The following ZFHX4 variants were observed in gnomAD, a reference collection of about 807,000 sequenced individuals.
ZFHX4 encodes the protein zinc finger homeobox protein 4.
In ZFHX4, 56 loss-of-function variants were observed where a neutral mutation model predicts 267.6. The observed-to-expected ratio is 0.21, with a 90% CI of 0.17 to 0.26. ZFHX4 has a LOEUF of 0.26. ZFHX4 is among the 10% of genes least tolerant of loss of function. The pLI is 1.00. For missense variants in ZFHX4, 4,332 were observed against 4,420.0 expected, an observed-to-expected ratio of 0.98 and a Z score of 0.56; for synonymous variants, 1,778 against 1,665.6, an observed-to-expected ratio of 1.07 and a Z score of -1.64.
chr8:76,706,607 C>T lies in ZFHX4; in HGVS notation c.2519C>T (p.Ala840Val). 2 of 1,608,084 alleles carry T rather than the reference C, an allele frequency of 1.2e-6. No homozygotes were observed. The highest frequency in any genetic ancestry group is 1.7e-6 in the Non-Finnish European group (2 of 1,177,412). Residue 840 changes from alanine to valine, a missense_variant, in exon 2 of 11, where the codon GCC (alanine) becomes GTC (valine). Ala to Val is a moderately conservative substitution (Grantham distance 64). This residue lies in a region of ZFHX4 where 1,195 missense variants were observed against 1,173.6 expected (regional missense o/e 1.02). Coordinates refer to ENST00000651372, the MANE Select transcript of ZFHX4 (RefSeq NM_024721.5). ...GLTGMKLENP[A>V]DPQLMINPFQ... ...ACCGGAATGAAGCTGGAAAACCCTG[C>T]CGACCCTCAGCTGATGATCAATCCA...
intron 4 of ZFHX4, among the ~76,000 whole-genome samples, chr8:76,806,900 T>C (rs1426175530): frequency 6.6e-6 from 1 of 152,056 alleles, no homozygotes; most frequent in Non-Finnish European, 1.5e-5. Flanking sequence ...AGATTTGGGA[T>C]TCACCTTGGG....
intron 3 of ZFHX4, among the ~76,000 whole-genome samples, chr8:76,714,215 T>C (rs902794956): frequency 2.0e-5 from 3 of 152,264 alleles, no homozygotes; most frequent in South Asian, 2.1e-4. Context: ...GTCCCCGTCA[T>C]TGGAGCTTGT....
At chr8:76,839,129 T>C (rs1184288727) in intron 5 of ZFHX4, among the ~76,000 whole-genome samples, 2 of 147,920 alleles carry the variant, frequency 1.4e-5, no homozygotes, top group African/African-American at 5.0e-5. Context: ...TACAATTGGG[T>C]GGTACTTAGA....
At chr8:76,701,168 T>C (rs1408973496) in intron 1 of ZFHX4, among the ~76,000 whole-genome samples, 1 of 152,076 alleles carries the variant, frequency 6.6e-6, no homozygotes, top group African/African-American at 2.4e-5. Context: ...CAGAATATAC[T>C]GAAAAACATT....
intron 3 of ZFHX4, among the ~76,000 whole-genome samples, chr8:76,757,740 C>T (rs1471368487): frequency 6.6e-6 from 1 of 152,164 alleles, no homozygotes; most frequent in Non-Finnish European, 1.5e-5. Flanking sequence ...GGCACCATGC[C>T]TATGTCTCTT....
At chr8:76,732,420 A>C (rs920713805) in intron 3 of ZFHX4, among the ~76,000 whole-genome samples, 1 of 152,022 alleles carries the variant, frequency 6.6e-6, no homozygotes, top group African/African-American at 2.4e-5. Context: ...TAATATTCGC[A>C]GTATTCTATA....
intron 4 of ZFHX4, among the ~76,000 whole-genome samples, chr8:76,817,717 T>A (rs1811542986): frequency 6.6e-6 from 1 of 152,214 alleles, no homozygotes; most frequent in Admixed American, 6.5e-5. Flanking sequence ...AGCTGGCATA[T>A]AACCGTGAAG....
intron 3 of ZFHX4, among the ~76,000 whole-genome samples, chr8:76,714,791 CAA>C: frequency 6.6e-6 from 1 of 152,260 alleles, no homozygotes; most frequent in Non-Finnish European, 1.5e-5. Flanking sequence ...TGCTCAGAGA[CAA>C]AGAGTTTTCT....
At chr8:76,736,319 G>T (rs993993584) in intron 3 of ZFHX4, among the ~76,000 whole-genome samples, 4 of 151,746 alleles carry the variant, frequency 2.6e-5, no homozygotes, top group Non-Finnish European at 5.9e-5. Context: ...TTTAGTTTGA[G>T]AAATCAGTAA....
chr8:76,699,560 C>T (rs1808047806), intron 1 of ZFHX4, among the ~76,000 whole-genome samples: 1 of 152,044 alleles, frequency 6.6e-6, no homozygotes, highest in African/African-American at 2.4e-5. Flanking sequence ...TATGATATAT[C>T]AAAAGAGAGA....
intron 3 of ZFHX4, among the ~76,000 whole-genome samples, chr8:76,773,341 G>C (rs1357672476): frequency 6.6e-6 from 1 of 152,054 alleles, no homozygotes; most frequent in Non-Finnish European, 1.5e-5. Flanking sequence ...GTTATTGGAG[G>C]ATTTAAAATG....
chr8:76,721,224 TTATA>T (rs1198294603), intron 3 of ZFHX4, among the ~76,000 whole-genome samples: 2 of 152,192 alleles, frequency 1.3e-5, no homozygotes, highest in Admixed American at 1.3e-4. Flanking sequence ...CTTTAGTTCT[TTATA>T]AAGTCTGAAT....
chr8:76,812,271 C>G (rs916816415), intron 4 of ZFHX4, among the ~76,000 whole-genome samples: 3 of 152,250 alleles, frequency 2.0e-5, no homozygotes, highest in African/African-American at 7.2e-5. Flanking sequence ...TTGCTTATCT[C>G]ATTTATCAAG....
chr8:76,725,179 C>A (rs1808820438), intron 3 of ZFHX4, among the ~76,000 whole-genome samples: 1 of 152,082 alleles, frequency 6.6e-6, no homozygotes, highest in African/African-American at 2.4e-5. Context: ...GCATTGGCAG[C>A]TACCTTGACA....
intron 3 of ZFHX4, chr8:76,708,348 T>C: frequency 3.1e-6 from 1 of 321,298 alleles, no homozygotes; most frequent in Middle Eastern, 9.7e-4. Context: ...TAATACTTTT[T>C]AAACCTATTG....
Position 76,835,221 on chromosome 8 carries a change from A to ATATATATATATATATATG in ZFHX4, c.3394+1832_3394+1833insGTATATATATATATATAT, listed in dbSNP as rs1563548961. ...CTTTTGCTTTGGTGTATATATATGT[A>ATATATATATATATATATG]TATATATATATATATATATGTATAT... On this transcript the variant is annotated intron_variant, in intron 5 of 10. Transcript: ENST00000651372. Among the ~76,000 whole-genome samples, 253 of 79,576 alleles carry ATATATATATATATATATG rather than the reference A, an allele frequency of 3.2e-3. 3 individuals carry two copies. Among genetic ancestry groups the ATATATATATATATATATG allele is most frequent in the African/African-American group, 0.019 (234 of 12,478 alleles). 52.2% of individuals were successfully genotyped at this position (79,576 alleles called of 152,430 possible). A position where few individuals can be genotyped will look rare whatever the true frequency, so the allele number is the denominator to read the frequency against.
chr8:76,739,197 A>G (rs1299505509), intron 3 of ZFHX4, among the ~76,000 whole-genome samples: 1 of 152,154 alleles, frequency 6.6e-6, no homozygotes, highest in Non-Finnish European at 1.5e-5. Flanking sequence ...AACCTTCTCC[A>G]AGAACAAACT....
intron 1 of ZFHX4, among the ~76,000 whole-genome samples, chr8:76,688,568 T>C (rs919049536): frequency 3.9e-5 from 6 of 152,154 alleles, no homozygotes; most frequent in Non-Finnish European, 8.8e-5. Flanking sequence ...GGGTCCCCTG[T>C]CACTAGTTAG....
chr8:76,741,738 T>C (rs1809321447), intron 3 of ZFHX4, among the ~76,000 whole-genome samples: 1 of 152,184 alleles, frequency 6.6e-6, no homozygotes, highest in Admixed American at 6.5e-5. Context: ...TCAGAAAGTC[T>C]CTATTTCCAG....
Sources: allele counts gnomAD v4.1 joint callset (sites outside exome capture counted in the v4.1 genomes callset), GRCh38; gene constraint gnomAD v4.1.1; regional missense constraint gnomAD v4.1.1; transcripts MANE v1.5; gene names NCBI Gene and HGNC (gene_info 2026-07-23, HGNC 2026-07-21).